PEBP4: variants seen among roughly 807,000 people sequenced by gnomAD.
PEBP4 encodes the protein phosphatidylethanolamine binding protein 4.
PEBP4 carries 22 observed loss-of-function variants against 23.9 expected under a neutral mutation model. That is an observed-to-expected ratio of 0.92 (90% CI 0.66 to 1.31). PEBP4 has a LOEUF of 1.31. Among genes scored for constraint, PEBP4 ranks in the 40% most tolerant of loss-of-function variants. PEBP4 has a pLI of 0.00. For synonymous variants in PEBP4, 112 were observed against 99.3 expected (o/e 1.13, Z -0.76); for missense variants, 324 against 281.7 (o/e 1.15, Z -1.07).
chr8:22,865,076 C>T lies in PEBP4; in HGVS notation c.259-47341G>A, dbSNP rs1338662942. Among the ~76,000 whole-genome samples, 1 of 152,118 alleles carries T rather than the reference C, an allele frequency of 6.6e-6. No individual in the cohort carries two copies. Among genetic ancestry groups the T allele is most frequent in the Non-Finnish European group, 1.5e-5 (1 of 68,016 alleles). On this transcript the variant is annotated intron_variant, in intron 3 of 6. Coordinates refer to ENST00000256404, the MANE Select transcript of PEBP4 (RefSeq NM_144962.3). The surrounding 1 kb of genome is among the most constrained non-coding windows in gnomAD (Gnocchi z 6.9). ...GGTCACCAGGCGGGGACCTGCAGGG[C>T]CAGACGCCGAGCCCTGGATGCGAGG... is the stretch of plus-strand genomic sequence containing the variant.
chr8:22,775,531 C>T lies in PEBP4; in HGVS notation c.357+42106G>A, dbSNP rs1473800297. Among the ~76,000 whole-genome samples the T allele has an allele frequency of 6.6e-6, 1 of 152,178 alleles. No homozygotes were observed. The highest frequency in any genetic ancestry group is 1.5e-5 in the Non-Finnish European group (1 of 68,026). ...AGGTGGGTGGAATGGGGGAAGCCAG[C>T]TGGCTGTGGGCTCTATTTCTACTGA... On this transcript the variant is annotated intron_variant, in intron 4 of 6. Transcript: ENST00000256404. This position sits in a 1 kb window ranked among gnomAD's most constrained non-coding sequence, Gnocchi z 4.8.
intron 3 of PEBP4, among the ~76,000 whole-genome samples, chr8:22,880,078 G>A (rs1362772465): frequency 6.6e-6 from 1 of 152,210 alleles, no homozygotes; most frequent in East Asian, 1.9e-4. Context: ...TCTACCCAAA[G>A]TGGGGCCTGA....
chr8:22,756,599 C>A (rs1345674754), intron 4 of PEBP4, among the ~76,000 whole-genome samples: 1 of 152,198 alleles, frequency 6.6e-6, no homozygotes, highest in Non-Finnish European at 1.5e-5. Context: ...ATGCGTCCAG[C>A]CCCCAATCTT....
chr8:22,852,058 A>G (rs1807563083), intron 3 of PEBP4, among the ~76,000 whole-genome samples: 1 of 152,132 alleles, frequency 6.6e-6, no homozygotes, highest in South Asian at 2.1e-4. Flanking sequence ...CGGAGAGAAT[A>G]GGGCACCATC....
intron 6 of PEBP4, among the ~76,000 whole-genome samples, chr8:22,717,252 G>T (rs529961896): frequency 4.6e-5 from 7 of 152,296 alleles, no homozygotes; most frequent in African/African-American, 1.4e-4. Context: ...TGTCCAGGCT[G>T]ATCTCAAACT....
chr8:22,806,600 G>T (rs1365622620), intron 4 of PEBP4, among the ~76,000 whole-genome samples: 5 of 137,624 alleles, frequency 3.6e-5, no homozygotes, highest in Non-Finnish European at 6.1e-5. Flanking sequence ...GGGTGACAGA[G>T]CAAGACTGTG....
At chr8:22,760,804 A>G (rs1323691261) in intron 4 of PEBP4, among the ~76,000 whole-genome samples, 1 of 152,196 alleles carries the variant, frequency 6.6e-6, no homozygotes, top group Non-Finnish European at 1.5e-5. Context: ...TCACATAGGA[A>G]GAGCCTAGAC....
At chr8:22,847,005 T>A (rs561301873) in intron 3 of PEBP4, among the ~76,000 whole-genome samples, 2 of 151,890 alleles carry the variant, frequency 1.3e-5, no homozygotes, top group African/African-American at 2.4e-5. Context: ...CTACAAAAAA[T>A]TTTTAAAAAA....
At chr8:22,875,321 CT>C (rs201197300) in intron 3 of PEBP4, among the ~76,000 whole-genome samples, 1 of 152,068 alleles carries the variant, frequency 6.6e-6, no homozygotes, top group Admixed American at 6.6e-5. Flanking sequence ...CCCCTTTCTT[CT>C]TTTTTTAACT....
intron 3 of PEBP4, among the ~76,000 whole-genome samples, chr8:22,840,620 T>C (rs761733249): frequency 6.6e-5 from 10 of 152,094 alleles, no homozygotes; most frequent in Non-Finnish European, 1.3e-4. Flanking sequence ...AGAGTTACCT[T>C]AGGAACACCC....
intron 3 of PEBP4, among the ~76,000 whole-genome samples, chr8:22,877,089 A>G (rs1808136181): frequency 6.6e-6 from 1 of 152,214 alleles, no homozygotes; most frequent in African/African-American, 2.4e-5. Flanking sequence ...CCTTATAAAC[A>G]TATCAAGTGG....
chr8:22,811,387 A>C (rs1806625446), intron 4 of PEBP4, among the ~76,000 whole-genome samples: 1 of 152,258 alleles, frequency 6.6e-6, no homozygotes, highest in Non-Finnish European at 1.5e-5. Context: ...CTTTAAAAAC[A>C]TTCATCAAAA....
chr8:22,808,942 G>A (rs560899968), intron 4 of PEBP4, among the ~76,000 whole-genome samples: 1 of 152,208 alleles, frequency 6.6e-6, no homozygotes, highest in South Asian at 2.1e-4. Context: ...TGTCAAGTCT[G>A]ATGCCCACTG....
intron 3 of PEBP4, among the ~76,000 whole-genome samples, chr8:22,898,431 A>AAAAAAAAAAAAAC (rs1563253603): frequency 3.2e-5 from 4 of 123,842 alleles, no homozygotes; most frequent in East Asian, 2.3e-4. Flanking sequence ...AAAAAAAAAA[A>AAAAAAAAAAAAAC]CCCACCCAGT....
intron 2 of PEBP4, chr8:22,925,284 T>A (rs1809302336): frequency 1.0e-6 from 1 of 985,352 alleles, no homozygotes; most frequent in Non-Finnish European, 1.2e-6. Context: ...GCTGGTGTAT[T>A]CTGGGAGTCC....
At chr8:22,835,063 C>T (rs143349973) in intron 3 of PEBP4, among the ~76,000 whole-genome samples, 6 of 152,128 alleles carry the variant, frequency 3.9e-5, no homozygotes, top group Middle Eastern at 3.2e-3. Flanking sequence ...GGCGACCTAA[C>T]GTTGTGAAGA....
At chr8:22,730,645 G>A (rs568173118) in intron 4 of PEBP4, among the ~76,000 whole-genome samples, 2 of 152,362 alleles carry the variant, frequency 1.3e-5, no homozygotes, top group African/African-American at 4.8e-5. Flanking sequence ...GTAAGAGGGA[G>A]AAACCTGTAG....
intron 3 of PEBP4, among the ~76,000 whole-genome samples, chr8:22,878,400 G>A (rs1297826291): frequency 6.6e-6 from 1 of 152,202 alleles, no homozygotes; most frequent in Admixed American, 6.5e-5. Context: ...ATGCTCAGTG[G>A]GAGGGCTCTG....
chr8:22,802,022 A>T (rs780290681), intron 4 of PEBP4, among the ~76,000 whole-genome samples: 1 of 152,130 alleles, frequency 6.6e-6, no homozygotes, highest in Non-Finnish European at 1.5e-5. Context: ...CAGCCCAGGG[A>T]GCTCTGGGCA....
Sources: gnomAD v4.1 joint callset for allele counts (sites outside exome capture counted in the v4.1 genomes callset) on GRCh38, gnomAD v4.1.1 for gene constraint, Gnocchi (gnomAD v3.1) non-coding constraint, MANE v1.5 for transcripts, NCBI Gene and HGNC (gene_info 2026-07-23, HGNC 2026-07-21) for gene names.